ATP7A: variants seen among roughly 807,000 people sequenced by gnomAD.
ATP7A encodes ATPase copper transporting alpha.
In ATP7A, 7 loss-of-function variants were observed where a neutral mutation model predicts 83.5. The observed-to-expected ratio is 0.08, with a 90% CI of 0.05 to 0.16. The LOEUF is 0.16. Ranked by LOEUF, ATP7A falls within the 10% of genes least tolerant of loss-of-function variation. The pLI, the probability that ATP7A is intolerant of heterozygous loss-of-function variation, is 1.00. For missense variants in ATP7A, 940 were observed against 1,120.8 expected, an observed-to-expected ratio of 0.84 and a Z score of 2.30; for synonymous variants, 354 against 395.2, an observed-to-expected ratio of 0.90 and a Z score of 1.24.
intron 1 of ATP7A, among the ~76,000 whole-genome samples, chrX:77,927,379 G>A (rs782281299): frequency 9.0e-6 from 1 of 111,573 alleles, no homozygotes; most frequent in Admixed American, 9.5e-5. Flanking sequence ...TAGGACTATC[G>A]TCAATTGTTT....
In ATP7A at chrX:78,045,579, A is replaced by G; in HGVS notation, c.4226+7A>G. 8.5e-7 allele frequency: 1 copy of G among 1,175,309 alleles called. No individual in the cohort carries two copies. Among genetic ancestry groups the G allele is most frequent in the Non-Finnish European group, 1.2e-6 (1 of 862,566 alleles). On this transcript the variant is annotated splice_region_variant and intron_variant, in intron 22 of 22. Transcript: ENST00000341514. Reference sequence around the variant, plus strand: ...CTTCTCTCTTCCTTAAACTGTAAGTATGATAGCTTGCTCACATTTGTATTT... The same window carrying G: ...CTTCTCTCTTCCTTAAACTGTAAGTGTGATAGCTTGCTCACATTTGTATTT...
At chrX:78,014,278 G>A (rs1490256253) in intron 10 of ATP7A, among the ~76,000 whole-genome samples, 14 of 108,601 alleles carry the variant, frequency 1.3e-4, no homozygotes, top group African/African-American at 3.7e-4. Context: ...GGTGGCGCGC[G>A]TCTGTAATCC....
chrX:77,937,357 A>T (rs1249871294), intron 1 of ATP7A, among the ~76,000 whole-genome samples: 3 of 112,675 alleles, frequency 2.7e-5, no homozygotes, highest in Non-Finnish European at 5.6e-5. Context: ...TCTGATGGGA[A>T]TACAAAATGA....
chrX:78,030,149 G>A (rs1158429353), intron 15 of ATP7A, among the ~76,000 whole-genome samples: 1 of 112,481 alleles, frequency 8.9e-6, no homozygotes, highest in African/African-American at 3.2e-5. Flanking sequence ...AGACTAGCCT[G>A]GCACAGTGGC....
intron 1 of ATP7A, chrX:77,965,531 T>C (rs549277120): frequency 2.3e-5 from 6 of 264,126 alleles, no homozygotes; most frequent in East Asian, 1.2e-4. Context: ...GGTGGAACAA[T>C]TGGGGCCCTT....
chrX:78,028,428 A>G (rs961069195), intron 14 of ATP7A, among the ~76,000 whole-genome samples: 1 of 111,748 alleles, frequency 8.9e-6, no homozygotes, highest in African/African-American at 3.3e-5. Context: ...ACCTCAGGTG[A>G]TCCACCTGCC....
At position 77,921,222 on chromosome X, in the gene ATP7A, G is replaced by A. The variant is rs148267996; in HGVS notation, c.-22+10387G>A. 6.9e-3 allele frequency among the ~76,000 whole-genome samples: 770 copies of A among 111,792 alleles called. 9 individuals are homozygous for A. Among genetic ancestry groups the A allele is most frequent in the African/African-American group, 0.024 (741 of 30,783 alleles). On this transcript the variant is annotated intron_variant, in intron 1 of 22. Coordinates refer to ENST00000341514, the MANE Select transcript of ATP7A (RefSeq NM_000052.7). The stretch of plus-strand genomic sequence containing the variant: ...CATGCCATATGCCTCAGCCATACCA[G>A]TGGTGGTCCTTAAATATGGCATGCT...
chrX:77,969,540 C>T, intron 1 of ATP7A: 3 of 1,211,411 alleles, frequency 2.5e-6, no homozygotes, highest in Non-Finnish European at 3.4e-6. Context: ...CCTCGTGGCC[C>T]GCCGGGCTCA....
intron 19 of ATP7A, among the ~76,000 whole-genome samples, chrX:78,041,011 T>C (rs1398267903): frequency 9.0e-6 from 1 of 111,185 alleles, no homozygotes; most frequent in African/African-American, 3.3e-5. Context: ...CTCATATTCT[T>C]TACCAGTGCT....
chrX:78,012,736 AT>A, intron 9 of ATP7A, 142 bp from the exon 10 acceptor site: 2 of 528,155 alleles, frequency 3.8e-6, no homozygotes, highest in Non-Finnish European at 3.3e-6. Context: ...TACAAACACG[AT>A]TGTTTTGGCT....
chrX:78,001,825 TA>T (rs1331349535), intron 5 of ATP7A, among the ~76,000 whole-genome samples: 42 of 102,094 alleles, frequency 4.1e-4, no homozygotes, highest in African/African-American at 5.7e-4. Flanking sequence ...GAATGGTTGT[TA>T]AAAAAAAAAA....
intron 6 of ATP7A, among the ~76,000 whole-genome samples, chrX:78,004,533 G>A (rs1244759993): frequency 3.6e-5 from 4 of 111,034 alleles, no homozygotes; most frequent in Non-Finnish European, 7.5e-5. Flanking sequence ...AGGATCACTT[G>A]AGCCCAGGAG....
chrX:77,979,201 T>G (rs2077592146), intron 2 of ATP7A, among the ~76,000 whole-genome samples: 1 of 111,442 alleles, frequency 9.0e-6, no homozygotes, highest in Non-Finnish European at 1.9e-5. Context: ...TTTATGGTTT[T>G]TTATTCCTTT....
chrX:77,959,160 A>G (rs1201228039), intron 1 of ATP7A, among the ~76,000 whole-genome samples: 7 of 110,209 alleles, frequency 6.4e-5, no homozygotes, highest in Non-Finnish European at 7.6e-5. Flanking sequence ...TCTTTTTTTT[A>G]TGTAGCAATT....
At chrX:77,927,823 G>A (rs782189571) in intron 1 of ATP7A, among the ~76,000 whole-genome samples, 6 of 110,233 alleles carry the variant, frequency 5.4e-5, no homozygotes, top group Non-Finnish European at 1.1e-4. Flanking sequence ...GTTCCCCTTC[G>A]TGGGTCCAAG....
At chrX:77,937,910 CAT>C (rs1348986224) in intron 1 of ATP7A, among the ~76,000 whole-genome samples, 7 of 107,522 alleles carry the variant, frequency 6.5e-5, no homozygotes, top group African/African-American at 1.0e-4. Context: ...CACACACACA[CAT>C]ACACACACAC....
rs374154862 is a variant in ATP7A at position 78,033,744 on chromosome X, C to T, written c.3434C>T (p.Ala1145Val). The T allele has an allele frequency of 1.3e-5, 16 of 1,208,799 alleles. No homozygotes were observed. Among genetic ancestry groups the T allele is most frequent in the Non-Finnish European group, 1.7e-5 (15 of 894,571 alleles). The change falls in exon 17 of 23, where the codon GCA becomes GTA. Residue 1145 changes from alanine to valine, a missense_variant. Ala to Val is a moderately conservative substitution (Grantham distance 64). Coordinates refer to ENST00000341514, the MANE Select transcript of ATP7A (RefSeq NM_000052.7). ...ATAGAGGACAATAATATTAAAAATG[C>T]ATCCCTGGTTCAAATTGATGCCAGT... ...WNIEDNNIKN[A>V]SLVQIDASNE... is the part of the protein sequence containing the mutation.
chrX:77,988,309 A>G lies in ATP7A; in HGVS notation c.188A>G (p.Gln63Arg). 1 of 1,203,481 alleles carries G rather than the reference A, an allele frequency of 8.3e-7. No individual in the cohort carries two copies. ...DPKLQTPKTL[Q>R]EAIDDMGFDA... is the part of the protein sequence containing the mutation. ...AAACTACAGACTCCAAAGACCCTAC[A>G]GGAAGCTATTGATGACATGGGCTTT... Residue 63 changes from glutamine (Q) to arginine (R), a missense_variant, in exon 3 of 23, where the codon CAG (glutamine) becomes CGG (arginine). By Grantham distance (43) the Gln-to-Arg change is conservative. This residue lies in a region of ATP7A where 350 missense variants were observed against 432.8 expected (regional missense o/e 0.81). Transcript: ENST00000341514.
At chrX:77,935,261 T>G (rs1557224965) in intron 1 of ATP7A, among the ~76,000 whole-genome samples, 1 of 112,303 alleles carries the variant, frequency 8.9e-6, no homozygotes, top group Non-Finnish European at 1.9e-5. Flanking sequence ...TGTCTTACTG[T>G]GTATGAGGGA....
Sources: gnomAD v4.1 joint callset for allele counts (sites outside exome capture counted in the v4.1 genomes callset) on GRCh38, gnomAD v4.1.1 for gene constraint, gnomAD v4.1.1 regional missense constraint, MANE v1.5 for transcripts, NCBI Gene and HGNC (gene_info 2026-07-23, HGNC 2026-07-21) for gene names.